SYT12: variants seen among roughly 807,000 people sequenced by gnomAD.
SYT12 encodes synaptotagmin 12.
Under a neutral mutation model 39.5 loss-of-function variants are expected in SYT12, and 27 were observed. That is an observed-to-expected ratio of 0.68 (90% CI 0.50 to 0.94). The LOEUF is 0.94. Among genes scored for constraint, SYT12 ranks in the 40% least tolerant of loss-of-function variants. The pLI, the probability that SYT12 is intolerant of heterozygous loss-of-function variation, is 0.00. For synonymous variants in SYT12, 233 were observed against 239.7 expected, an observed-to-expected ratio of 0.97 and a Z score of 0.26; for missense variants, 536 against 572.6, an observed-to-expected ratio of 0.94 and a Z score of 0.65.
chr11:67,035,805 C>T (rs1950359498), intron 3 of SYT12, among the ~76,000 whole-genome samples: 1 of 59,558 alleles, frequency 1.7e-5, no homozygotes, highest in African/African-American at 8.4e-5. Context: ...TTCCTTCCTT[C>T]CTTCCTTCCT....
rs766133777 is a variant in SYT12 at position 67,034,736 on chromosome 11, C to T, written c.126C>T (p.Leu42=). The change falls in exon 3 of 8, where the codon CTC becomes CTT. Residue 42 remains leucine (L), a synonymous_variant. Coordinates refer to ENST00000527043, the MANE Select transcript of SYT12 (RefSeq NM_177963.4). ...LGIAAVSLWK[L]WTSGSFPSPS... ...TCGCAGCTGTGAGCCTGTGGAAGCTCTGGACGTCGGGGAGCTTCCCCAGCC... is the reference window on the plus strand; with the variant it reads ...TCGCAGCTGTGAGCCTGTGGAAGCTTTGGACGTCGGGGAGCTTCCCCAGCC... 2 of 1,604,350 alleles carry T rather than the reference C, an allele frequency of 1.2e-6. No individual in the cohort carries two copies. Among genetic ancestry groups the T allele is most frequent in the South Asian group, 2.2e-5 (2 of 89,480 alleles).
chr11:67,043,509 T>C (rs1056659826), intron 4 of SYT12, 129 bp from the exon 5 acceptor site: 4 of 833,084 alleles, frequency 4.8e-6, no homozygotes, highest in East Asian at 4.9e-5. Flanking sequence ...AAAGGAAAGA[T>C]TGGCATTGAG....
intron 7 of SYT12, among the ~76,000 whole-genome samples, chr11:67,046,945 A>C (rs529274536): frequency 1.4e-4 from 21 of 152,204 alleles, no homozygotes; most frequent in Middle Eastern, 6.8e-3. Context: ...TTGTTCCTGA[A>C]ACAGCCCTAT....
chr11:67,041,478 A>G (rs1397643685), intron 4 of SYT12, among the ~76,000 whole-genome samples: 2 of 152,204 alleles, frequency 1.3e-5, no homozygotes, highest in East Asian at 1.9e-4. Context: ...CTCAAAAATA[A>G]TAAATAAATA....
chr11:67,020,885 C>T (rs142123603), upstream of SYT12, among the ~76,000 whole-genome samples: 231 of 152,276 alleles, frequency 1.5e-3, 2 homozygotes, highest in African/African-American at 5.2e-3. Flanking sequence ...CATACCACCA[C>T]GCCCAGCTAA....
chr11:67,042,884 G>A (rs1365479530), intron 4 of SYT12, among the ~76,000 whole-genome samples: 4 of 152,104 alleles, frequency 2.6e-5, no homozygotes, highest in Non-Finnish European at 4.4e-5. Context: ...GTGGCGCTGG[G>A]GGATTTATTC....
At chr11:67,015,343 T>C (rs1950049283) in intron 3 of SYT12, among the ~76,000 whole-genome samples, 4 of 152,184 alleles carry the variant, frequency 2.6e-5, no homozygotes, top group Admixed American at 2.0e-4. Flanking sequence ...GCCCCATGAG[T>C]GCTGGCCTCC....
chr11:67,011,476 C>G (rs1372077179), intron 3 of SYT12, among the ~76,000 whole-genome samples: 1 of 152,134 alleles, frequency 6.6e-6, no homozygotes, highest in African/African-American at 2.4e-5. Context: ...CTCCTGACCT[C>G]AGGTGATCCG....
chr11:67,040,896 G>A (rs1950501299), intron 4 of SYT12, among the ~76,000 whole-genome samples: 1 of 150,528 alleles, frequency 6.6e-6, no homozygotes, highest in African/African-American at 2.4e-5. Context: ...ATTCATGCCT[G>A]TAATCCCAGC....
At chr11:67,017,149 G>A (rs1024710315) in intron 3 of SYT12, among the ~76,000 whole-genome samples, 1 of 152,172 alleles carries the variant, frequency 6.6e-6, no homozygotes, top group Non-Finnish European at 1.5e-5. Context: ...GCTCAAGGAA[G>A]GAAAGCCATT....
At position 67,048,622 on chromosome 11, in the gene SYT12, C is replaced by T. The variant is rs758652256; in HGVS notation, c.1131C>T (p.Ser377=). 8.1e-6 allele frequency: 13 copies of T among 1,608,140 alleles called. No individual in the cohort carries two copies. In the South Asian group the frequency reaches 8.8e-5, roughly 11 times the overall value. Residue 377 remains serine, a synonymous_variant, in exon 8 of 8, where the codon AGC becomes AGT. Coordinates refer to ENST00000527043, the MANE Select transcript of SYT12 (RefSeq NM_177963.4). ...SLRVTVAESS[S]DGRGDNVGHV... Reference sequence around the variant, plus strand: ...GCGTGACGGTGGCTGAGAGCAGCAGCGACGGCCGTGGGGACAACGTGGGCC... The same window carrying T: ...GCGTGACGGTGGCTGAGAGCAGCAGTGACGGCCGTGGGGACAACGTGGGCC...
At chr11:67,010,321 G>A (rs994456823) in intron 2 of SYT12, among the ~76,000 whole-genome samples, 5 of 152,150 alleles carry the variant, frequency 3.3e-5, no homozygotes, top group Non-Finnish European at 5.9e-5. Context: ...ATGGTGAGCC[G>A]GGTGGTGACA....
chr11:67,029,527 TG>T (rs1385045434), intron 1 of SYT12: 1 of 152,282 alleles, frequency 6.6e-6, no homozygotes, highest in Non-Finnish European at 1.5e-5. Flanking sequence ...AAATATGTCC[TG>T]TGGAATATTT....
chr11:67,027,487 G>A (rs529222666), intron 1 of SYT12: 2 of 136,380 alleles, frequency 1.5e-5, no homozygotes, highest in Non-Finnish European at 3.1e-5. Context: ...GTGACACAGT[G>A]AGGCTCTGTC....
intron 3 of SYT12, among the ~76,000 whole-genome samples, chr11:67,037,258 C>G (rs1950400270): frequency 6.6e-6 from 1 of 151,996 alleles, no homozygotes; most frequent in South Asian, 2.1e-4. Flanking sequence ...AAAAAACCTT[C>G]AAGGGACTGT....
intron 7 of SYT12, among the ~76,000 whole-genome samples, chr11:67,048,132 A>G (rs1010006118): frequency 1.3e-5 from 2 of 148,634 alleles, no homozygotes; most frequent in Admixed American, 6.7e-5. Context: ...TTAGCCGGGC[A>G]TGGTGGCAGG....
At chr11:67,019,115 G>A (rs918700279), upstream of SYT12, among the ~76,000 whole-genome samples, 2 of 135,094 alleles carry the variant, frequency 1.5e-5, no homozygotes, top group South Asian at 2.6e-4. Context: ...AAGGCGAAAA[G>A]CACATCTTAC....
intron 3 of SYT12, among the ~76,000 whole-genome samples, chr11:67,017,882 C>T (rs937823841): frequency 2.0e-5 from 3 of 151,626 alleles, no homozygotes; most frequent in African/African-American, 7.3e-5. Context: ...ATCACTTGAA[C>T]CCAGGAGGCG....
intron 3 of SYT12, among the ~76,000 whole-genome samples, chr11:67,038,724 C>T (rs558132639): frequency 6.6e-6 from 1 of 151,642 alleles, no homozygotes; most frequent in South Asian, 2.1e-4. Context: ...CGTGGTGGCT[C>T]ACGCCTGTAA....
Sources: gnomAD v4.1 joint callset for allele counts (sites outside exome capture counted in the v4.1 genomes callset) on GRCh38, gnomAD v4.1.1 for gene constraint, MANE v1.5 for transcripts, NCBI Gene and HGNC (gene_info 2026-07-23, HGNC 2026-07-21) for gene names.